The following AUTS2 variants were observed in gnomAD, a reference collection of about 807,000 sequenced individuals.
AUTS2 encodes the protein autism susceptibility gene 2 protein.
AUTS2 carries 17 observed loss-of-function variants against 112.4 expected under a neutral mutation model. The observed-to-expected ratio is 0.15, with a 90% CI of 0.10 to 0.23. AUTS2 has a LOEUF of 0.23. Among genes scored for constraint, AUTS2 ranks in the 10% least tolerant of loss-of-function variants. The pLI is 1.00. For synonymous variants in AUTS2, 751 were observed against 702.7 expected, an observed-to-expected ratio of 1.07 and a Z score of -1.09; for missense variants, 1,510 against 1,701.6, an observed-to-expected ratio of 0.89 and a Z score of 1.98.
At chr7:69,745,709 G>A (rs1397340868) in intron 1 of AUTS2, among the ~76,000 whole-genome samples, 1 of 152,114 alleles carries the variant, frequency 6.6e-6, no homozygotes, top group Non-Finnish European at 1.5e-5. Flanking sequence ...ACATTTGGGG[G>A]AAGTAATATT....
chr7:70,127,669 G>A (rs144569863), intron 3 of AUTS2, among the ~76,000 whole-genome samples: 45 of 152,230 alleles, frequency 3.0e-4, no homozygotes, highest in East Asian at 2.3e-3. Flanking sequence ...GGTTCAGATC[G>A]TTCAAGGAAT....
chr7:69,851,287 T>A (rs960129647), intron 1 of AUTS2, among the ~76,000 whole-genome samples: 2 of 152,356 alleles, frequency 1.3e-5, no homozygotes, highest in African/African-American at 4.8e-5. Flanking sequence ...GAGTGATTCC[T>A]CTTACTGTAT....
chr7:70,087,254 G>T (rs1310101066), intron 2 of AUTS2, among the ~76,000 whole-genome samples: 1 of 145,188 alleles, frequency 6.9e-6, no homozygotes, highest in Non-Finnish European at 1.5e-5. Context: ...GTTTAATATG[G>T]CAAATTTAAC....
intron 1 of AUTS2, among the ~76,000 whole-genome samples, chr7:69,861,380 C>T (rs1233394497): frequency 6.6e-6 from 1 of 152,170 alleles, no homozygotes; most frequent in Non-Finnish European, 1.5e-5. Context: ...GCTCCCGTCT[C>T]TTGCCTGTGG....
chr7:70,702,061 T>C (rs1020224740), intron 6 of AUTS2, among the ~76,000 whole-genome samples: 24 of 152,252 alleles, frequency 1.6e-4, no homozygotes, highest in African/African-American at 5.8e-4. Context: ...TCCTTGCTGG[T>C]GTCACCAGTT....
intron 5 of AUTS2, among the ~76,000 whole-genome samples, chr7:70,616,753 GTTT>G (rs67691820): frequency 5.3e-5 from 7 of 131,286 alleles, no homozygotes; most frequent in African/African-American, 8.5e-5. Context: ...GTGTCGAATA[GTTT>G]TTTTTTTTTT....
intron 1 of AUTS2, among the ~76,000 whole-genome samples, chr7:69,632,753 C>A (rs192467115): frequency 5.9e-5 from 9 of 152,112 alleles, no homozygotes; most frequent in Non-Finnish European, 1.3e-4. Flanking sequence ...TCCACAGTTA[C>A]AAGAATTTTA....
At chr7:69,990,130 T>G (rs1283447608) in intron 2 of AUTS2, among the ~76,000 whole-genome samples, 1 of 152,222 alleles carries the variant, frequency 6.6e-6, no homozygotes, top group Non-Finnish European at 1.5e-5. Context: ...GTGCATGCTA[T>G]TTTACCTCTT....
At chr7:69,691,472 G>T (rs1000395318) in intron 1 of AUTS2, among the ~76,000 whole-genome samples, 8 of 152,120 alleles carry the variant, frequency 5.3e-5, no homozygotes, top group African/African-American at 1.9e-4. Flanking sequence ...AAGTCCAGAG[G>T]GGGCCGAGGT....
At chr7:70,120,358 A>G (rs1458314270) in intron 3 of AUTS2, 1 of 152,194 alleles carries the variant, frequency 6.6e-6, no homozygotes, top group Non-Finnish European at 1.5e-5. Context: ...ATAAATAAAG[A>G]GTACTAACAG....
At chr7:70,309,987 A>T (rs916599424) in intron 4 of AUTS2, among the ~76,000 whole-genome samples, 3 of 152,202 alleles carry the variant, frequency 2.0e-5, no homozygotes, top group Non-Finnish European at 4.4e-5. Flanking sequence ...ACTGAATCAA[A>T]CTTGTTACTT....
chr7:70,143,739 G>A (rs186649470), intron 4 of AUTS2, among the ~76,000 whole-genome samples: 1 of 152,302 alleles, frequency 6.6e-6, no homozygotes, highest in Non-Finnish European at 1.5e-5. Context: ...CATTGCCAAA[G>A]GTGATGACTG....
intron 6 of AUTS2, among the ~76,000 whole-genome samples, chr7:70,706,143 A>G (rs1274409180): frequency 6.6e-6 from 1 of 152,196 alleles, no homozygotes; most frequent in Non-Finnish European, 1.5e-5. Context: ...TTGCTGCAGT[A>G]ACAAAATAGC....
chr7:69,979,827 G>A (rs1798219777), intron 2 of AUTS2, among the ~76,000 whole-genome samples: 1 of 152,202 alleles, frequency 6.6e-6, no homozygotes. Flanking sequence ...AGAGAAAAGA[G>A]GGATACAGAT....
chr7:70,775,171 G>C, intron 12 of AUTS2, 186 bp from the exon 13 acceptor site: 1 of 601,788 alleles, frequency 1.7e-6, no homozygotes, highest in Non-Finnish European at 2.9e-6. Context: ...CTTGTGAAGT[G>C]GGGGAGGGGA....
intron 2 of AUTS2, among the ~76,000 whole-genome samples, chr7:70,095,137 A>G (rs1804122843): frequency 6.6e-6 from 1 of 152,208 alleles, no homozygotes; most frequent in Non-Finnish European, 1.5e-5. Flanking sequence ...GATCTCATTT[A>G]CTTACGTGGA....
chr7:70,637,354 C>T (rs891177389), intron 5 of AUTS2, among the ~76,000 whole-genome samples: 6 of 152,274 alleles, frequency 3.9e-5, no homozygotes, highest in Admixed American at 2.0e-4. Flanking sequence ...AACCATAGTA[C>T]GTTGCGTATA....
At chr7:70,786,086 T>C (rs772577895) in intron 17 of AUTS2, 48 bp downstream of exon 17, 1 of 1,516,048 alleles carries the variant, frequency 6.6e-7, no homozygotes, top group Non-Finnish European at 9.2e-7. Context: ...TTTTATCTCC[T>C]GTGATCCGCA....
intron 4 of AUTS2, among the ~76,000 whole-genome samples, chr7:70,270,025 C>T (rs781411068): frequency 1.5e-4 from 23 of 151,964 alleles, no homozygotes; most frequent in Non-Finnish European, 2.2e-4. Flanking sequence ...GGTGACAGAG[C>T]GGGACCTTGT....
Sources: allele counts gnomAD v4.1 joint callset (sites outside exome capture counted in the v4.1 genomes callset), GRCh38; gene constraint gnomAD v4.1.1; transcripts MANE v1.5; gene names NCBI Gene and HGNC (gene_info 2026-07-23, HGNC 2026-07-21).